Variants in FBXO11 observed in about 807,000 individuals in gnomAD.
FBXO11 encodes the protein F-box only protein 11.
FBXO11 carries 13 observed loss-of-function variants against 117.0 expected under a neutral mutation model. The ratio of observed to expected loss-of-function variants is 0.11; its 90% CI spans 0.07 to 0.18. The LOEUF is 0.18. Ranked by LOEUF, FBXO11 falls within the 10% of genes least tolerant of loss-of-function variation. The probability of loss-of-function intolerance (pLI) is 1.00; values close to 1 mark genes in which losing one functional copy is unlikely to be tolerated. For missense variants in FBXO11, 767 were observed against 1,164.4 expected (o/e 0.66, Z 4.97); for synonymous variants, 490 against 380.5 (o/e 1.29, Z -3.35).
chr2:47,883,163 T>C (rs904699736), intron 1 of FBXO11, among the ~76,000 whole-genome samples: 1 of 152,232 alleles, frequency 6.6e-6, no homozygotes, highest in Non-Finnish European at 1.5e-5. Flanking sequence ...CTAATGACTG[T>C]TCTTTGTGTT....
chr2:47,826,337 G>T (rs529894137), intron 11 of FBXO11, among the ~76,000 whole-genome samples: 2 of 152,276 alleles, frequency 1.3e-5, no homozygotes, highest in Middle Eastern at 3.4e-3. Context: ...GATTACAGGT[G>T]TGAGCCACCG....
At chr2:47,825,561 T>C (rs1671687236) in intron 11 of FBXO11, among the ~76,000 whole-genome samples, 1 of 150,138 alleles carries the variant, frequency 6.7e-6, no homozygotes. Flanking sequence ...GTGGATTTTT[T>C]CTTCTTCTTC....
chr2:47,874,867 C>CCT (rs1553353725), intron 1 of FBXO11, among the ~76,000 whole-genome samples: 4 of 128,884 alleles, frequency 3.1e-5, no homozygotes, highest in African/African-American at 8.6e-5. Flanking sequence ...TGTCTCAGGA[C>CCT]TTTTTTTTTT....
chr2:47,854,866 T>C (rs1674157922), intron 1 of FBXO11, among the ~76,000 whole-genome samples: 1 of 150,964 alleles, frequency 6.6e-6, no homozygotes, highest in East Asian at 1.9e-4. Context: ...TTTTTTTGTT[T>C]TTTTTTTTAG....
At chr2:47,852,130 C>T (rs1306085992) in intron 1 of FBXO11, among the ~76,000 whole-genome samples, 1 of 152,002 alleles carries the variant, frequency 6.6e-6, no homozygotes, top group Non-Finnish European at 1.5e-5. Context: ...GCTGGGATTA[C>T]AGGCACCTGC....
At chr2:47,903,424 A>G (rs756751729) in intron 1 of FBXO11, among the ~76,000 whole-genome samples, 1 of 152,224 alleles carries the variant, frequency 6.6e-6, no homozygotes, top group South Asian at 2.1e-4. Flanking sequence ...ATGAATATTG[A>G]CAGTTTATAG....
intron 20 of FBXO11, 164 bp from the exon 21 acceptor site, chr2:47,809,430 T>G: frequency 1.5e-6 from 1 of 679,834 alleles, no homozygotes; most frequent in Non-Finnish European, 2.4e-6. Flanking sequence ...AGAATTTTCC[T>G]TGTATAAGAT....
intron 16 of FBXO11, among the ~76,000 whole-genome samples, chr2:47,816,697 C>G (rs1046907636): frequency 6.6e-6 from 1 of 152,158 alleles, no homozygotes; most frequent in Non-Finnish European, 1.5e-5. Flanking sequence ...CAACAATCTC[C>G]TTGTGCATCT....
At chr2:47,904,581 A>AACAC (rs112758707) in intron 1 of FBXO11, among the ~76,000 whole-genome samples, 1,797 of 147,642 alleles carry the variant, frequency 0.012, 13 homozygotes, top group Middle Eastern at 0.028. Flanking sequence ...CGCGCGCGCA[A>AACAC]ACACACACAC....
rs1409523559 is a variant in FBXO11 at position 47,890,431 on chromosome 2, GC to G, written c.232+15057del. Among the ~76,000 whole-genome samples the G allele has an allele frequency of 3.9e-5, 6 of 152,198 alleles. No individual in the cohort carries two copies. In the South Asian group the frequency reaches 8.3e-4, roughly 21 times the overall value. Reference sequence around the variant, plus strand: ...AACATTAAAAATATGTAACATTTAAGCTTTTATTCAAATTTAAAATGCCCTA... The same window carrying G: ...AACATTAAAAATATGTAACATTTAAGTTTTATTCAAATTTAAAATGCCCTA... On this transcript the variant is annotated intron_variant, in intron 1 of 22. Transcript: ENST00000403359.
At chr2:47,820,479 AG>A (rs746787099) in intron 13 of FBXO11, 23 bp from the exon 14 acceptor site, 152 of 1,564,714 alleles carry the variant, frequency 9.7e-5, no homozygotes, top group Non-Finnish European at 1.3e-4. Context: ...AAAAGTTACA[AG>A]GTCAACATTT....
intron 17 of FBXO11, 147 bp from the exon 18 acceptor site, chr2:47,813,524 C>T (rs1439914062): frequency 2.9e-5 from 18 of 616,856 alleles, no homozygotes; most frequent in African/African-American, 7.8e-5. Context: ...CTCCACCTCC[C>T]GGGTTCAAGT....
chr2:47,901,093 A>ATGTATATATATATACACACGTGTG (rs1678238200), intron 1 of FBXO11, among the ~76,000 whole-genome samples: 3 of 117,434 alleles, frequency 2.6e-5, no homozygotes, highest in African/African-American at 9.4e-5. Flanking sequence ...GTACATATAT[A>ATGTATATATATATACACACGTGTG]TACATATATA....
intron 1 of FBXO11, among the ~76,000 whole-genome samples, chr2:47,877,829 C>T (rs1676122898): frequency 6.6e-6 from 1 of 152,152 alleles, no homozygotes; most frequent in South Asian, 2.1e-4. Flanking sequence ...GGATTACAGG[C>T]GCGTGCCAAC....
intron 1 of FBXO11, among the ~76,000 whole-genome samples, chr2:47,872,692 G>A (rs1675711900): frequency 1.3e-5 from 2 of 152,140 alleles, no homozygotes; most frequent in Admixed American, 6.5e-5. Flanking sequence ...GTACACAGTA[G>A]AGTTTTCCAG....
rs1421552049 is a variant in FBXO11 at position 47,839,007 on chromosome 2, T to A, written c.443-4A>T. On this transcript the variant is annotated splice_polypyrimidine_tract_variant and splice_region_variant and intron_variant, in intron 3 of 22. Transcript: ENST00000403359. ...AGATACTGTTCAGCAGGTGCTGCTATAAAGAGATTAACATATAAACTATCA... is the reference window on the plus strand; with the variant it reads ...AGATACTGTTCAGCAGGTGCTGCTAAAAAGAGATTAACATATAAACTATCA... 4 of 1,609,684 alleles carry A rather than the reference T, an allele frequency of 2.5e-6. No homozygotes were observed. The African/African-American group carries it at 5.3e-5, about 22-fold the overall frequency.
chr2:47,818,764 T>C lies in FBXO11; in HGVS notation c.2006+15A>G, dbSNP rs748730617. 29 of 1,558,830 alleles carry C rather than the reference T, an allele frequency of 1.9e-5. 1 individual carries two copies. The Middle Eastern group carries it at 7.2e-4, about 39-fold the overall frequency. On this transcript the variant is annotated intron_variant, in intron 16 of 22. Transcript: ENST00000403359. ...AACTCCCTCCCAAAAGATAGCCAAA[T>C]ATGAAAACATTTACCTTATCTGAAC...
intron 1 of FBXO11, among the ~76,000 whole-genome samples, chr2:47,852,668 T>C (rs1160116174): frequency 4.6e-5 from 7 of 152,240 alleles, no homozygotes; most frequent in Non-Finnish European, 8.8e-5. Flanking sequence ...TGATGGATGA[T>C]AATAATGATA....
At chr2:47,864,961 G>T (rs1675083675) in intron 1 of FBXO11, among the ~76,000 whole-genome samples, 1 of 152,162 alleles carries the variant, frequency 6.6e-6, no homozygotes, top group Admixed American at 6.5e-5. Flanking sequence ...CATTCTACGT[G>T]TACAAACAAA....
Sources: gnomAD v4.1 joint callset for allele counts (sites outside exome capture counted in the v4.1 genomes callset) on GRCh38, gnomAD v4.1.1 for gene constraint, MANE v1.5 for transcripts, NCBI Gene and HGNC (gene_info 2026-07-23, HGNC 2026-07-21) for gene names.